Variants in SLC5A4 observed in about 807,000 individuals in gnomAD.
The protein encoded by SLC5A4 is probable glucose sensor protein SLC5A4.
Under a neutral mutation model 70.3 loss-of-function variants are expected in SLC5A4, and 55 were observed. The observed-to-expected ratio is 0.78, with a 90% CI of 0.63 to 0.98. The LOEUF (loss-of-function observed/expected upper bound fraction) is 0.98, where lower values mean the gene tolerates loss of function less well. Among genes scored for constraint, SLC5A4 ranks in the 50% least tolerant of loss-of-function variants. SLC5A4 has a pLI of 0.00. For missense variants in SLC5A4, 735 were observed against 839.2 expected (o/e 0.88, Z 1.53); for synonymous variants, 268 against 305.7 (o/e 0.88, Z 1.29).
chr22:32,255,734 T>C (rs1254828510), upstream of SLC5A4, among the ~76,000 whole-genome samples: 4 of 152,190 alleles, frequency 2.6e-5, no homozygotes, highest in African/African-American at 9.7e-5. Flanking sequence ...AGAGAACAGA[T>C]ACAGTTTCTG....
chr22:32,272,398 A>T, the SLC5A4 span: 1 of 906,354 alleles, frequency 1.1e-6, no homozygotes, highest in Non-Finnish European at 1.8e-6. Context: ...CAGCGAGCTG[A>T]CGGGCATGGC....
At chr22:32,316,332 A>G in the SLC5A4 span, among the ~76,000 whole-genome samples, 1 of 152,174 alleles carries the variant, frequency 6.6e-6, no homozygotes, top group Non-Finnish European at 1.5e-5. Context: ...CATAATCTTA[A>G]TATCAGACAA....
At chr22:32,221,586 A>G (rs1214114211) in intron 13 of SLC5A4, among the ~76,000 whole-genome samples, 2 of 152,110 alleles carry the variant, frequency 1.3e-5, no homozygotes, top group Non-Finnish European at 2.9e-5. Context: ...TATAATTATT[A>G]TTTTCTGTAA....
intron 3 of SLC5A4, among the ~76,000 whole-genome samples, chr22:32,251,206 C>CCAGA (rs1454172659): frequency 6.9e-6 from 1 of 145,638 alleles, no homozygotes; most frequent in Non-Finnish European, 1.5e-5. Context: ...ATACAGACAC[C>CCAGA]CAGAAAAACC....
At chr22:32,329,837 GGT>G in the SLC5A4 span, among the ~76,000 whole-genome samples, 421 of 17,450 alleles carry the variant, frequency 0.024, 69 homozygotes, top group Non-Finnish European at 0.028. Context: ...TGGGGGCTCT[GGT>G]GTGTGTGTGT....
the SLC5A4 span, among the ~76,000 whole-genome samples, chr22:32,306,718 G>A: frequency 3.0e-4 from 45 of 152,234 alleles, no homozygotes; most frequent in South Asian, 6.2e-4. Flanking sequence ...CCCTTTTGTG[G>A]GAGGTCTCCT....
At chr22:32,345,247 A>T in the SLC5A4 span, among the ~76,000 whole-genome samples, 1 of 151,752 alleles carries the variant, frequency 6.6e-6, no homozygotes, top group East Asian at 1.9e-4. Flanking sequence ...GAAATGTAAC[A>T]TTATTAAAGA....
chr22:32,328,656 T>C, the SLC5A4 span, among the ~76,000 whole-genome samples: 1 of 152,152 alleles, frequency 6.6e-6, no homozygotes, highest in African/African-American at 2.4e-5. Context: ...TGCAGCCTCC[T>C]GAGAGACCCC....
chr22:32,264,599 A>G, the SLC5A4 span, among the ~76,000 whole-genome samples: 3 of 152,212 alleles, frequency 2.0e-5, no homozygotes, highest in African/African-American at 7.2e-5. Context: ...ACAAGAAACC[A>G]GAAAAAAGAA....
the SLC5A4 span, among the ~76,000 whole-genome samples, chr22:32,295,105 A>G: frequency 9.5e-6 from 1 of 105,074 alleles, no homozygotes; most frequent in Non-Finnish European, 2.0e-5. Flanking sequence ...TGCTATTGTG[A>G]ATAATGCCAC....
At chr22:32,219,630 C>CAAAAAAAAAAAAAAAAAAAAAAAAAA in intron 14 of SLC5A4, among the ~76,000 whole-genome samples, 1 of 28,858 alleles carries the variant, frequency 3.5e-5, no homozygotes, top group Non-Finnish European at 5.4e-5. Context: ...TCCAACTTAG[C>CAAAAAAAAAAAAAAAAAAAAAAAAAA]AAAAAAAAAA....
At chr22:32,227,980 T>C (rs998910444) in intron 11 of SLC5A4, among the ~76,000 whole-genome samples, 1 of 152,010 alleles carries the variant, frequency 6.6e-6, no homozygotes, top group African/African-American at 2.4e-5. Flanking sequence ...AAAAATTGTA[T>C]TTCAAGGGAT....
In SLC5A4 at chr22:32,219,630, C is replaced by CAAAAAAAAA; in HGVS notation, c.1769-914_1769-906dup. Among the ~76,000 whole-genome samples, 118 of 28,844 alleles carry CAAAAAAAAA rather than the reference C, an allele frequency of 4.1e-3. 1 individual carries two copies. The highest frequency in any genetic ancestry group is 0.05 in the Middle Eastern group (1 of 20). The allele number at this position is 28,844 out of a possible 152,430, so 18.9% of individuals were successfully genotyped here. Reference sequence around the variant, plus strand: ...ATGAATGAGTTAATATCCAACTTAGCAAAAAAAAAAAAAAAAAAAAAAGAA... The same window carrying CAAAAAAAAA: ...ATGAATGAGTTAATATCCAACTTAGCAAAAAAAAAAAAAAAAAAAAAAAAAAAAAAAGAA... On this transcript the variant is annotated intron_variant, in intron 14 of 14. Coordinates refer to ENST00000266086, the MANE Select transcript of SLC5A4 (RefSeq NM_014227.3).
chr22:32,240,073 A>G (rs1312866351), intron 5 of SLC5A4, among the ~76,000 whole-genome samples: 1 of 151,822 alleles, frequency 6.6e-6, no homozygotes, highest in Non-Finnish European at 1.5e-5. Flanking sequence ...GAATGCAACC[A>G]AAGAGCATTG....
At chr22:32,303,088 A>G in the SLC5A4 span, among the ~76,000 whole-genome samples, 1 of 152,196 alleles carries the variant, frequency 6.6e-6, no homozygotes, top group African/African-American at 2.4e-5. Flanking sequence ...TGTGAACCCA[A>G]AAGTCTCTGA....
chr22:32,242,902 A>C (rs981288100), intron 5 of SLC5A4, among the ~76,000 whole-genome samples: 6 of 152,212 alleles, frequency 3.9e-5, no homozygotes, highest in Non-Finnish European at 8.8e-5. Flanking sequence ...GGCAACCATC[A>C]TAGTAAAGAT....
chr22:32,351,978 T>A, the SLC5A4 span, among the ~76,000 whole-genome samples: 1 of 150,452 alleles, frequency 6.6e-6, no homozygotes, highest in Non-Finnish European at 1.5e-5. Flanking sequence ...AAAGAACAGG[T>A]AAGAGAATCA....
At chr22:32,323,492 A>G in the SLC5A4 span, among the ~76,000 whole-genome samples, 1 of 152,196 alleles carries the variant, frequency 6.6e-6, no homozygotes, top group African/African-American at 2.4e-5. Context: ...GCTGCACAGG[A>G]AGGGAAGAAT....
intron 2 of SLC5A4, among the ~76,000 whole-genome samples, chr22:32,253,939 C>T (rs368296359): frequency 9.2e-5 from 14 of 152,136 alleles, no homozygotes; most frequent in African/African-American, 2.7e-4. Context: ...CACACCACCA[C>T]GTCCAGCTAA....
Sources: allele counts gnomAD v4.1 joint callset (sites outside exome capture counted in the v4.1 genomes callset), GRCh38; gene constraint gnomAD v4.1.1; transcripts MANE v1.5; gene names NCBI Gene and HGNC (gene_info 2026-07-23, HGNC 2026-07-21).